The following NEK11 variants were observed in gnomAD, a reference collection of about 807,000 sequenced individuals.
NEK11 encodes NIMA related kinase 11, also known as serine/threonine-protein kinase Nek11.
A neutral mutation model predicts 80.7 loss-of-function variants in NEK11; 72 were observed. The observed-to-expected ratio is 0.89, with a 90% confidence interval of 0.74 to 1.08. The LOEUF (loss-of-function observed/expected upper bound fraction) is 1.08. Among genes scored for constraint, NEK11 ranks in the 50% least tolerant of loss-of-function variants. The probability of loss-of-function intolerance (pLI) is 0.00; values close to 1 mark genes in which losing one functional copy is unlikely to be tolerated. For missense variants in NEK11, 764 were observed against 763.6 expected (o/e 1.00, Z -0.01); for synonymous variants, 251 against 260.7 (o/e 0.96, Z 0.36).
At chr3:131,115,942 CT>C (rs770703043) in intron 5 of NEK11, among the ~76,000 whole-genome samples, 2 of 117,982 alleles carry the variant, frequency 1.7e-5, no homozygotes, top group Middle Eastern at 4.1e-3. Flanking sequence ...TTCTTTCTTT[CT>C]TTCTTTCTTT....
At chr3:131,290,046 A>G (rs2096527669) in intron 17 of NEK11, among the ~76,000 whole-genome samples, 1 of 152,228 alleles carries the variant, frequency 6.6e-6, no homozygotes, top group Non-Finnish European at 1.5e-5. Flanking sequence ...TGAGTTTTCC[A>G]GGAGGTCTGA....
chr3:131,245,471 G>A (rs2095586477), intron 16 of NEK11, among the ~76,000 whole-genome samples: 1 of 152,126 alleles, frequency 6.6e-6, no homozygotes, highest in South Asian at 2.1e-4. Flanking sequence ...TATATACCCA[G>A]TAGTGGGATT....
intron 5 of NEK11, among the ~76,000 whole-genome samples, chr3:131,131,826 A>G (rs563844497): frequency 6.6e-6 from 1 of 151,976 alleles, no homozygotes; most frequent in Non-Finnish European, 1.5e-5. Context: ...TTTTTCTAAT[A>G]TATATATTCA....
intron 4 of NEK11, among the ~76,000 whole-genome samples, chr3:131,091,833 A>G (rs1439814257): frequency 1.3e-5 from 2 of 152,260 alleles, no homozygotes; most frequent in Non-Finnish European, 2.9e-5. Context: ...CTTCAGAACT[A>G]GAAGGAGTTC....
At chr3:131,140,036 C>T (rs1033213217) in intron 7 of NEK11, among the ~76,000 whole-genome samples, 1 of 152,198 alleles carries the variant, frequency 6.6e-6, no homozygotes, top group Non-Finnish European at 1.5e-5. Flanking sequence ...AAATGGCCAT[C>T]ATAACATATC....
In NEK11 at chr3:131,192,397, C is replaced by T. The variant is rs573624845; in HGVS notation, c.1399+21510C>T. On this transcript the variant is annotated intron_variant, in intron 14 of 17. Transcript: ENST00000383366. ...TATGGTGATTCGTCAAAAAATTAAA[C>T]ATGGAATTACCATATTTTCCAGCAG... is the stretch of plus-strand genomic sequence containing the variant. Among the ~76,000 whole-genome samples, 16 of 152,204 alleles carry T rather than the reference C, an allele frequency of 1.1e-4. No individual in the cohort carries two copies. In the South Asian group the frequency reaches 1.7e-3, roughly 16 times the overall value.
At chr3:131,127,451 A>G (rs1005908706) in intron 5 of NEK11, among the ~76,000 whole-genome samples, 3 of 151,234 alleles carry the variant, frequency 2.0e-5, no homozygotes, top group African/African-American at 7.3e-5. Flanking sequence ...CCTAGAAAAT[A>G]TATATATGCA....
intron 17 of NEK11, among the ~76,000 whole-genome samples, chr3:131,296,820 C>A (rs2096598726): frequency 6.6e-6 from 1 of 151,818 alleles, no homozygotes; most frequent in Non-Finnish European, 1.5e-5. Flanking sequence ...ACTCCCCCCA[C>A]CCCACAACAG....
chr3:131,340,787 G>A (rs190999817), intron 17 of NEK11, among the ~76,000 whole-genome samples: 3 of 152,196 alleles, frequency 2.0e-5, no homozygotes, highest in Non-Finnish European at 2.9e-5. Context: ...GTCCCCAACT[G>A]CCAATTCAAT....
intron 15 of NEK11, among the ~76,000 whole-genome samples, chr3:131,242,435 G>T (rs2095533973): frequency 1.3e-5 from 2 of 152,238 alleles, no homozygotes; most frequent in South Asian, 4.1e-4. Flanking sequence ...ACTCTCTCAG[G>T]CCACTTAGCT....
At chr3:131,205,661 T>C (rs1560959403) in intron 14 of NEK11, among the ~76,000 whole-genome samples, 1 of 152,180 alleles carries the variant, frequency 6.6e-6, no homozygotes, top group East Asian at 1.9e-4. Context: ...AAATGACTAA[T>C]GTATGGAAGA....
chr3:131,082,777 A>T (rs2075455171), intron 4 of NEK11, among the ~76,000 whole-genome samples: 1 of 152,226 alleles, frequency 6.6e-6, no homozygotes, highest in Non-Finnish European at 1.5e-5. Flanking sequence ...TATGCCCTTT[A>T]TCCAGATTCC....
intron 15 of NEK11, among the ~76,000 whole-genome samples, chr3:131,233,019 AGG>A (rs2095361066): frequency 6.6e-6 from 1 of 151,376 alleles, no homozygotes; most frequent in African/African-American, 2.4e-5. Flanking sequence ...GAAGGAAGGA[AGG>A]AAGGAAGGAA....
At chr3:131,293,275 T>C (rs1056500681) in intron 17 of NEK11, among the ~76,000 whole-genome samples, 11 of 152,176 alleles carry the variant, frequency 7.2e-5, no homozygotes, top group African/African-American at 2.2e-4. Context: ...ATTCCTAGTT[T>C]ACTGAGAATT....
Position 131,132,768 on chromosome 3 carries a change from A to G in NEK11, c.479A>G (p.Lys160Arg). Residue 160 changes from lysine (K) to arginine (R), a missense_variant, in exon 6 of 18, where the codon AAG (lysine) becomes AGG (arginine). Coordinates refer to ENST00000383366, the MANE Select transcript of NEK11 (RefSeq NM_024800.5). ...HERRILHRDL[K>R]SKNVFLKNNL... is the part of the protein sequence containing the mutation. ...AGGAGGATACTTCATCGAGACTTAA[A>G]GTCAAAGAATGTATTTCTGAAAAAT... 1.3e-6 allele frequency: 2 copies of G among 1,534,994 alleles called. No individual in the cohort carries two copies. Among genetic ancestry groups the G allele is most frequent in the Admixed American group, 2.0e-5 (1 of 50,972 alleles).
At chr3:131,247,136 A>G (rs917974838) in intron 16 of NEK11, among the ~76,000 whole-genome samples, 33 of 151,958 alleles carry the variant, frequency 2.2e-4, no homozygotes, top group African/African-American at 7.7e-4. Context: ...AGTCCCATCT[A>G]TTTATCTTTG....
intron 4 of NEK11, among the ~76,000 whole-genome samples, chr3:131,090,719 C>G (rs914745671): frequency 4.6e-5 from 7 of 152,048 alleles, no homozygotes; most frequent in African/African-American, 1.7e-4. Context: ...CTTTGAGTGA[C>G]TTGTCTATCA....
chr3:131,144,841 T>C (rs1441408789), intron 7 of NEK11, among the ~76,000 whole-genome samples: 2 of 152,084 alleles, frequency 1.3e-5, no homozygotes, highest in African/African-American at 4.8e-5. Context: ...CAAATACTAG[T>C]CATCAAAGTG....
chr3:131,196,312 T>G (rs2094006411), intron 14 of NEK11, among the ~76,000 whole-genome samples: 1 of 151,944 alleles, frequency 6.6e-6, no homozygotes, highest in Admixed American at 6.6e-5. Flanking sequence ...AAAAATTGCC[T>G]GTTTGGAAAA....
Sources: gnomAD v4.1 joint callset for allele counts (sites outside exome capture counted in the v4.1 genomes callset) on GRCh38, gnomAD v4.1.1 for gene constraint, MANE v1.5 for transcripts, NCBI Gene and HGNC (gene_info 2026-07-23, HGNC 2026-07-21) for gene names.